The following JADE1 variants were observed in gnomAD, a reference collection of about 807,000 sequenced individuals.
JADE1 encodes the protein jade family PHD finger 1.
A neutral mutation model predicts 81.8 loss-of-function variants in JADE1; 14 were observed. The ratio of observed to expected loss-of-function variants is 0.17; its 90% confidence interval spans 0.11 to 0.27. The LOEUF (loss-of-function observed/expected upper bound fraction) is 0.27. Among genes scored for constraint, JADE1 ranks in the 10% least tolerant of loss-of-function variants. JADE1 has a pLI of 1.00. For synonymous variants in JADE1, 353 were observed against 391.9 expected (o/e 0.90, Z 1.17); for missense variants, 690 against 1,047.9 (o/e 0.66, Z 4.71).
chr4:128,827,834 C>T (rs1728205338), intron 1 of JADE1: 1 of 980,842 alleles, frequency 1.0e-6, no homozygotes, highest in Non-Finnish European at 1.2e-6. Context: ...TAAACCTTGG[C>T]AATTGGCTAT....
At position 128,855,776 on chromosome 4, in the gene JADE1, C is replaced by T. The variant is rs1730741281; in HGVS notation, c.843C>T (p.Ser281=). Residue 281 remains serine (S), a synonymous_variant, in exon 7 of 11, where the codon AGC becomes AGT. Coordinates refer to ENST00000226319, the MANE Select transcript of JADE1 (RefSeq NM_199320.4). ...GCGGAACCAAGTGGGTCCACGTTAG[C>T]TGTGCTCTGTGGATCCCTGAGGTAC... ...TRSGTKWVHV[S]CALWIPEVSI... is the part of the protein sequence containing the mutation. 6.2e-7 allele frequency: 1 copy of T among 1,610,072 alleles called. No homozygotes were observed. The highest frequency in any genetic ancestry group is 8.5e-7 in the Non-Finnish European group (1 of 1,177,776).
At chr4:128,862,923 CGT>C (rs1339932104) in intron 9 of JADE1, 3 of 985,080 alleles carry the variant, frequency 3.0e-6, no homozygotes, top group Non-Finnish European at 3.6e-6. Flanking sequence ...TGCGCGTGCC[CGT>C]GTCCATCCAT....
intron 9 of JADE1, chr4:128,863,188 A>G (rs888693625): frequency 1.0e-6 from 1 of 985,426 alleles, no homozygotes; most frequent in Admixed American, 6.1e-5. Context: ...TTCCTGCTAC[A>G]GGAATAATGA....
chr4:128,819,288 G>GA lies in JADE1; in HGVS notation c.-27+9411_-27+9412insA, dbSNP rs1192663483. Among the ~76,000 whole-genome samples the GA allele has an allele frequency of 1.3e-5, 2 of 150,416 alleles. 1 individual carries two copies. Among genetic ancestry groups the GA allele is most frequent in the South Asian group, 4.2e-4 (2 of 4,732 alleles). On this transcript the variant is annotated intron_variant, in intron 1 of 10. Transcript: ENST00000226319. The stretch of plus-strand genomic sequence containing the variant: ...GGAGTGCAATGGTGGTTTTTTTTTT[G>GA]GGGGGCAGGCTCTCTCTGCTGCTCA...
At chr4:128,855,120 A>G (rs1730681574) in intron 6 of JADE1, among the ~76,000 whole-genome samples, 1 of 152,064 alleles carries the variant, frequency 6.6e-6, no homozygotes, top group African/African-American at 2.4e-5. Flanking sequence ...TTCCATTGCC[A>G]TCTCATTCAG....
chr4:128,830,631 G>T (rs780931941), intron 1 of JADE1, among the ~76,000 whole-genome samples: 6 of 152,204 alleles, frequency 3.9e-5, no homozygotes, highest in Non-Finnish European at 7.3e-5. Context: ...GTAGGTAGGT[G>T]ATGGACTACC....
rs577922927 is a variant in JADE1 at position 128,832,401 on chromosome 4, G to C, written c.52+591G>C. On this transcript the variant is annotated intron_variant, in intron 2 of 10. Transcript: ENST00000226319. ...TCAAAATAAATATCACACAGTGTCTGTGTATTGAGAAGCTAACAGACTACT... is the reference window on the plus strand; with the variant it reads ...TCAAAATAAATATCACACAGTGTCTCTGTATTGAGAAGCTAACAGACTACT... Among the ~76,000 whole-genome samples, 77 of 152,334 alleles carry C rather than the reference G, an allele frequency of 5.1e-4. No individual in the cohort carries two copies. The South Asian group carries it at 6.6e-3, about 13-fold the overall frequency.
At chr4:128,862,782 T>TGGAGC in intron 9 of JADE1, 5 of 1,003,098 alleles carry the variant, frequency 5.0e-6, no homozygotes, top group Non-Finnish European at 6.0e-6. Flanking sequence ...AGTACTGTCA[T>TGGAGC]GGAGCAGAGC....
rs552731514 is a variant in JADE1 at position 128,846,943 on chromosome 4, C to T, written c.296+411C>T. On this transcript the variant is annotated intron_variant, in intron 4 of 10. Coordinates refer to ENST00000226319, the MANE Select transcript of JADE1 (RefSeq NM_199320.4). The surrounding 1 kb of genome is among the most constrained non-coding windows in gnomAD (Gnocchi z 4.0). ...CATCTGGCTTTGTTGGGAACTAGCG[C>T]GGGCAGCTGCTCTGCCTACTGCGGT... Among the ~76,000 whole-genome samples the T allele has an allele frequency of 1.3e-5, 2 of 152,268 alleles. No individual in the cohort carries two copies. The highest frequency in any genetic ancestry group is 2.1e-4 in the South Asian group (1 of 4,822).
intron 2 of JADE1, among the ~76,000 whole-genome samples, chr4:128,838,076 AG>A (rs1204388876): frequency 6.6e-6 from 1 of 152,102 alleles, no homozygotes; most frequent in Non-Finnish European, 1.5e-5. Flanking sequence ...TTCAAAGGGG[AG>A]TGAGTGTTGG....
chr4:128,843,372 G>A (rs921318339), intron 3 of JADE1, among the ~76,000 whole-genome samples: 7 of 152,162 alleles, frequency 4.6e-5, no homozygotes, highest in Middle Eastern at 3.4e-3. Flanking sequence ...TTCTTCCTCT[G>A]GCCAGGATAT....
intron 1 of JADE1, among the ~76,000 whole-genome samples, chr4:128,815,120 G>GCTCCCTGTAAGCTCCGA (rs1726889708): frequency 8.9e-6 from 1 of 112,496 alleles, no homozygotes; most frequent in Admixed American, 9.7e-5. Flanking sequence ...TGCGATCTCG[G>GCTCCCTGTAAGCTCCGA]CTCCCTGTAA....
chr4:128,869,166 A>G (rs1351494040), intron 10 of JADE1, among the ~76,000 whole-genome samples: 1 of 152,230 alleles, frequency 6.6e-6, no homozygotes, highest in East Asian at 1.9e-4. Context: ...GAATGCAATA[A>G]CTTGTTGATA....
At chr4:128,860,723 A>C (rs1560773250) in intron 8 of JADE1, among the ~76,000 whole-genome samples, 1 of 152,226 alleles carries the variant, frequency 6.6e-6, no homozygotes, top group Non-Finnish European at 1.5e-5. Context: ...GTCTGGATCA[A>C]AGGCACTAAA....
In JADE1 at chr4:128,828,143, C is replaced by G. The variant is rs528597320; in HGVS notation, c.-26-3590C>G. ...GTCAGGGTTAGTAATTTTCATCCAG[C>G]ACCTCCTAATATATGAGATATTCAA... On this transcript the variant is annotated intron_variant, in intron 1 of 10. Coordinates refer to ENST00000226319, the MANE Select transcript of JADE1 (RefSeq NM_199320.4). 9.2e-5 allele frequency among the ~76,000 whole-genome samples: 14 copies of G among 152,324 alleles called. No homozygotes were observed. The East Asian group carries it at 2.7e-3, about 29-fold the overall frequency.
At chr4:128,839,622 G>C (rs1729261443) in intron 2 of JADE1, among the ~76,000 whole-genome samples, 1 of 151,978 alleles carries the variant, frequency 6.6e-6, no homozygotes, top group Non-Finnish European at 1.5e-5. Flanking sequence ...TGCATTTCTA[G>C]AGTTGTATGT....
chr4:128,861,717 A>G lies in JADE1; in HGVS notation c.995A>G (p.Asn332Ser). ...FGASIQCSVKNCRTAFHVTCA... is the reference protein window; with the variant it reads ...FGASIQCSVKSCRTAFHVTCA... ...TGTTCTTGACAGTGCTCTGTGAAGA[A>G]CTGCCGCACAGCCTTCCATGTGACC... Residue 332 changes from asparagine to serine, a missense_variant, in exon 9 of 11, where the codon AAC becomes AGC. By Grantham distance (46) the Asn-to-Ser change is conservative (BLOSUM62 1). Around this residue, in one of 8 missense-constraint regions of JADE1, gnomAD observed 84 missense variants for 226.6 expected, o/e 0.37. Coordinates refer to ENST00000226319, the MANE Select transcript of JADE1 (RefSeq NM_199320.4). 1 of 1,614,132 alleles carries G rather than the reference A, an allele frequency of 6.2e-7. No homozygotes were observed. The highest frequency in any genetic ancestry group is 8.5e-7 in the Non-Finnish European group (1 of 1,179,990).
chr4:128,852,656 C>T (rs1255439102), intron 6 of JADE1, among the ~76,000 whole-genome samples: 1 of 152,232 alleles, frequency 6.6e-6, no homozygotes, highest in Non-Finnish European at 1.5e-5. Context: ...TAGTTTCTTA[C>T]AGCTGCCCTG....
rs915109646 is a variant in JADE1, at chr4:128,872,378, C to T, written c.*116C>T. On this transcript the variant is annotated 3_prime_UTR_variant, in exon 11 of 11. Coordinates refer to ENST00000226319, the MANE Select transcript of JADE1 (RefSeq NM_199320.4). ...ATCCTGAGCTACACAAACACATTTA[C>T]TTGCAATTCAGATTAATTTTTTTCC... 5 of 848,866 alleles carry T rather than the reference C, an allele frequency of 5.9e-6. No individual in the cohort carries two copies. The highest frequency in any genetic ancestry group is 9.0e-6 in the Non-Finnish European group (5 of 553,234). The allele number at this position is 848,866 out of a possible 1,614,324, so 52.6% of individuals were successfully genotyped here.
Sources: allele counts gnomAD v4.1 joint callset (sites outside exome capture counted in the v4.1 genomes callset), GRCh38; gene constraint gnomAD v4.1.1; regional missense constraint gnomAD v4.1.1; non-coding constraint Gnocchi (gnomAD v3.1); transcripts MANE v1.5; gene names NCBI Gene and HGNC (gene_info 2026-07-23, HGNC 2026-07-21).